The following CUL2 variants were observed in gnomAD, a reference collection of about 807,000 sequenced individuals.
The protein encoded by CUL2 is cullin 2.
CUL2 carries 22 observed loss-of-function variants against 110.2 expected under a neutral mutation model. The ratio of observed to expected loss-of-function variants is 0.20; its 90% CI spans 0.14 to 0.28. The LOEUF (loss-of-function observed/expected upper bound fraction) is 0.28. Ranked by LOEUF, CUL2 falls within the 10% of genes least tolerant of loss-of-function variation. The pLI is 1.00. For synonymous variants in CUL2, 279 were observed against 293.2 expected (o/e 0.95, Z 0.49); for missense variants, 631 against 905.5 (o/e 0.70, Z 3.89).
intron 2 of CUL2, among the ~76,000 whole-genome samples, chr10:35,095,654 G>A (rs928630250): frequency 4.6e-5 from 7 of 152,048 alleles, no homozygotes; most frequent in African/African-American, 1.7e-4. Flanking sequence ...CGCCTCCCCG[G>A]TTCAAGCCAT....
At position 35,033,160 on chromosome 10, in the gene CUL2, A is replaced by C. The variant is rs760598906; in HGVS notation, c.1110+6T>G. The C allele has an allele frequency of 1.3e-6, 2 of 1,595,406 alleles. No homozygotes were observed. Among genetic ancestry groups the C allele is most frequent in the Admixed American group, 1.7e-5 (1 of 59,884 alleles). ...CATATATAGTATATATGTATTTAAA[A>C]CTTACCTTATCCAACGCACTCATAA... On this transcript the variant is annotated splice_donor_region_variant and intron_variant, in intron 11 of 20. Transcript: ENST00000374749.
chr10:35,030,936 AAC>A (rs1416227237), intron 14 of CUL2, among the ~76,000 whole-genome samples: 2 of 152,262 alleles, frequency 1.3e-5, no homozygotes, highest in African/African-American at 4.8e-5. Context: ...TTTATTGAAT[AAC>A]ACAGGATAAA....
At chr10:35,030,401 G>A (rs1253326585) in intron 14 of CUL2, among the ~76,000 whole-genome samples, 2 of 151,798 alleles carry the variant, frequency 1.3e-5, no homozygotes, top group Non-Finnish European at 2.9e-5. Context: ...AATCTATTTA[G>A]AGGCAGGATC....
At chr10:35,075,419 T>G (rs975864216) in intron 1 of CUL2, among the ~76,000 whole-genome samples, 1 of 152,174 alleles carries the variant, frequency 6.6e-6, no homozygotes, top group Non-Finnish European at 1.5e-5. Flanking sequence ...CCCCAAGCTG[T>G]CAAACAACTC....
Position 35,013,724 on chromosome 10 carries a change from G to A in CUL2, c.1964C>T (p.Thr655Ile). The A allele has an allele frequency of 1.3e-6, 2 of 1,567,500 alleles. No individual in the cohort carries two copies. Among genetic ancestry groups the A allele is most frequent in the Non-Finnish European group, 1.7e-6 (2 of 1,154,036 alleles). The change falls in exon 19 of 21, where the codon ACA (threonine) becomes ATA (isoleucine). Residue 655 changes from threonine (T) to isoleucine (I), a missense_variant. By Grantham distance (89) the Thr-to-Ile change is moderately conservative (BLOSUM62 -1). Coordinates refer to ENST00000374749, the MANE Select transcript of CUL2 (RefSeq NM_003591.4). ...TTGTGGTGTGTCTTTCTGCATTGAT[G>A]TAGTAATTTTAAATTTTGTTCTTTT... ...SSKRTKFKIT[T>I]SMQKDTPQEM... is the part of the protein sequence containing the mutation.
At chr10:35,096,815 T>TC (rs1247388509) in intron 2 of CUL2, among the ~76,000 whole-genome samples, 1 of 151,338 alleles carries the variant, frequency 6.6e-6, no homozygotes, top group East Asian at 1.9e-4. Flanking sequence ...TCCACTTTTT[T>TC]TTTTTTTTTT....
At chr10:35,038,775 A>G (rs1366625507) in intron 9 of CUL2, 145 bp downstream of exon 9, 1 of 487,266 alleles carries the variant, frequency 2.1e-6, no homozygotes, top group African/African-American at 2.0e-5. Flanking sequence ...TAGTCTTTCA[A>G]AATAAAGTAT....
chr10:35,094,033 T>C (rs192277430), upstream of CUL2, among the ~76,000 whole-genome samples: 4 of 152,280 alleles, frequency 2.6e-5, no homozygotes, highest in Non-Finnish European at 4.4e-5. Flanking sequence ...TAACTATTTA[T>C]AGATAGATAG....
At chr10:35,088,550 T>G (rs1002027740) in intron 1 of CUL2, among the ~76,000 whole-genome samples, 2 of 150,584 alleles carry the variant, frequency 1.3e-5, no homozygotes, top group African/African-American at 4.9e-5. Flanking sequence ...TTTACCCTTG[T>G]AACCTTAATG....
chr10:35,068,034 C>T (rs189793111), intron 2 of CUL2, among the ~76,000 whole-genome samples: 3,958 of 145,428 alleles, frequency 0.027, 85 homozygotes, highest in Non-Finnish European at 0.04. Flanking sequence ...GGCATGAACC[C>T]GGGAGGCGGA....
At position 35,040,868 on chromosome 10, in the gene CUL2, G is replaced by A. The variant is rs991725366; in HGVS notation, c.715-1786C>T. Among the ~76,000 whole-genome samples the A allele has an allele frequency of 4.6e-5, 7 of 152,182 alleles. No homozygotes were observed. The East Asian group carries it at 1.3e-3, about 29-fold the overall frequency. The stretch of plus-strand genomic sequence containing the variant: ...TCACAATGGAGTTTGCGCTCTGTGA[G>A]AATCTATGAGAATCTAATGCTGCTG... On this transcript the variant is annotated intron_variant, in intron 8 of 20. Coordinates refer to ENST00000374749, the MANE Select transcript of CUL2 (RefSeq NM_003591.4).
rs1446386212 is a variant in CUL2, at chr10:35,011,890, C to T, written c.2064G>A (p.Met688Ile). The change falls in exon 20 of 21, where the codon ATG becomes ATA. Residue 688 changes from methionine to isoleucine, a missense_variant. Around this residue, in one of 3 missense-constraint regions of CUL2, gnomAD observed 159 missense variants for 202.7 expected, o/e 0.78. Coordinates refer to ENST00000374749, the MANE Select transcript of CUL2 (RefSeq NM_003591.4). Reference protein sequence around the residue: ...MYLQAAIVRIMKARKVLRHNA... With the variant: ...MYLQAAIVRIIKARKVLRHNA... ...TGTGCCGAAGCACTTTTCGTGCTTTCATGATACGAACTATAGCAGCTTGGA... is the reference window on the plus strand; with the variant it reads ...TGTGCCGAAGCACTTTTCGTGCTTTTATGATACGAACTATAGCAGCTTGGA... The T allele has an allele frequency of 6.2e-7, 1 of 1,613,880 alleles. No homozygotes were observed. The highest frequency in any genetic ancestry group is 8.5e-7 in the Non-Finnish European group (1 of 1,179,912).
chr10:35,039,095 T>A lies in CUL2; in HGVS notation c.715-13A>T. On this transcript the variant is annotated splice_polypyrimidine_tract_variant and intron_variant, in intron 8 of 20. Coordinates refer to ENST00000374749, the MANE Select transcript of CUL2 (RefSeq NM_003591.4). The stretch of plus-strand genomic sequence containing the variant: ...ATCTACCTAGAACCTATAAAAATAT[T>A]TTCTTACAGTCATGAACACAAAGTT... The A allele has an allele frequency of 6.6e-7, 1 of 1,517,342 alleles. No individual in the cohort carries two copies. Among genetic ancestry groups the A allele is most frequent in the Non-Finnish European group, 8.9e-7 (1 of 1,128,754 alleles). 94.0% of individuals were successfully genotyped at this position (1,517,342 alleles called of 1,614,324 possible). A position where few individuals can be genotyped will look rare whatever the true frequency, so the allele number is the denominator to read the frequency against.
chr10:35,078,651 C>CA, intron 1 of CUL2, among the ~76,000 whole-genome samples: 1 of 151,580 alleles, frequency 6.6e-6, no homozygotes, highest in Non-Finnish European at 1.5e-5. Context: ...CTTGCTGGAG[C>CA]AAAAAAACAA....
intron 2 of CUL2, among the ~76,000 whole-genome samples, chr10:35,099,195 A>C (rs1162650708): frequency 6.6e-6 from 1 of 151,938 alleles, no homozygotes; most frequent in Non-Finnish European, 1.5e-5. Flanking sequence ...GATCCAGACC[A>C]TCCTGGCCAA....
chr10:35,042,053 A>C (rs2085806732), intron 8 of CUL2, among the ~76,000 whole-genome samples: 2 of 152,042 alleles, frequency 1.3e-5, no homozygotes. Flanking sequence ...TTATGTGGGC[A>C]ATTCAGTGGC....
chr10:35,064,382 C>T (rs1376619957), intron 2 of CUL2, among the ~76,000 whole-genome samples: 1 of 152,098 alleles, frequency 6.6e-6, no homozygotes, highest in Non-Finnish European at 1.5e-5. Flanking sequence ...AATTCTTTCT[C>T]CTCTATGTCC....
At chr10:35,051,514 G>A (rs1032322229) in intron 5 of CUL2, among the ~76,000 whole-genome samples, 7 of 152,118 alleles carry the variant, frequency 4.6e-5, no homozygotes, top group African/African-American at 7.2e-5. Context: ...TCGGGAGGCT[G>A]AGGCAGGAGA....
At chr10:35,098,494 G>A (rs1387569255) in intron 2 of CUL2, among the ~76,000 whole-genome samples, 1 of 152,096 alleles carries the variant, frequency 6.6e-6, no homozygotes, top group Non-Finnish European at 1.5e-5. Context: ...GCCAAGGCAA[G>A]AGGATTGCTT....
Sources: allele counts gnomAD v4.1 joint callset (sites outside exome capture counted in the v4.1 genomes callset), GRCh38; gene constraint gnomAD v4.1.1; regional missense constraint gnomAD v4.1.1; transcripts MANE v1.5; gene names NCBI Gene and HGNC (gene_info 2026-07-23, HGNC 2026-07-21).